Variants in TSG101 observed in about 807,000 individuals in gnomAD.
TSG101 encodes the protein tumor susceptibility gene 101 protein.
In TSG101, 19 loss-of-function variants were observed where a neutral mutation model predicts 48.5. That is an observed-to-expected ratio of 0.39 (90% CI 0.27 to 0.58). TSG101 has a LOEUF of 0.58. TSG101 is among the 20% of genes least tolerant of loss of function. TSG101 has a pLI of 0.55. For missense variants in TSG101, 365 were observed against 484.4 expected (o/e 0.75, Z 2.31); for synonymous variants, 174 against 169.4 (o/e 1.03, Z -0.21).
Position 18,520,161 on chromosome 11 carries a change from CTAAAT to C in TSG101, c.43-563_43-559del, listed in dbSNP as rs368097803. On this transcript the variant is annotated intron_variant, in intron 1 of 9. Transcript: ENST00000251968. ...ATTCATACAATGTGATCTTTCATGA[CTAAAT>C]TATTTCACTTAGCATGTTTTTGAGA... Among the ~76,000 whole-genome samples, 212 of 152,290 alleles carry C rather than the reference CTAAAT, an allele frequency of 1.4e-3. 1 individual carries two copies. Among genetic ancestry groups the C allele is most frequent in the African/African-American group, 4.7e-3 (194 of 41,560 alleles).
At chr11:18,507,677 A>G (rs1156512998) in intron 5 of TSG101, 1 of 152,228 alleles carries the variant, frequency 6.6e-6, no homozygotes, top group African/African-American at 2.4e-5. Flanking sequence ...AATCTGCTCT[A>G]GAGTGTTTAA....
At chr11:18,499,402 A>ATATATAT in intron 7 of TSG101, among the ~76,000 whole-genome samples, 4 of 5,456 alleles carry the variant, frequency 7.3e-4, no homozygotes, top group East Asian at 0.018. Flanking sequence ...ATATATATAT[A>ATATATAT]TTTTTTTTTT....
intron 7 of TSG101, among the ~76,000 whole-genome samples, chr11:18,501,508 A>C (rs1849886945): frequency 6.6e-6 from 1 of 152,230 alleles, no homozygotes; most frequent in Non-Finnish European, 1.5e-5. Flanking sequence ...TGTTTCGGTT[A>C]CTATAACCTT....
intron 1 of TSG101, among the ~76,000 whole-genome samples, chr11:18,522,140 C>T (rs1850288952): frequency 6.6e-6 from 1 of 152,182 alleles, no homozygotes; most frequent in Admixed American, 6.5e-5. Flanking sequence ...TCTATCTAAA[C>T]TCATTCCTTT....
At chr11:18,513,012 G>A (rs1214617672) in intron 4 of TSG101, among the ~76,000 whole-genome samples, 6 of 151,958 alleles carry the variant, frequency 3.9e-5, no homozygotes, top group Admixed American at 2.0e-4. Flanking sequence ...ACAGGTGTGA[G>A]CCACCCCACC....
intron 7 of TSG101, among the ~76,000 whole-genome samples, chr11:18,486,774 A>G (rs1849626533): frequency 6.6e-6 from 1 of 152,020 alleles, no homozygotes; most frequent in African/African-American, 2.4e-5. Context: ...CTGGGTATAT[A>G]CCCAAAGGAT....
chr11:18,502,422 C>A, intron 7 of TSG101, 64 bp downstream of exon 7: 2 of 1,353,672 alleles, frequency 1.5e-6, no homozygotes, highest in South Asian at 1.3e-5. Context: ...GTGAAATGTG[C>A]TTTTCACAAC....
chr11:18,525,712 A>G (rs753718195), intron 1 of TSG101: 129 of 984,448 alleles, frequency 1.3e-4, no homozygotes, highest in Non-Finnish European at 1.5e-4. Flanking sequence ...ACTAAGGATA[A>G]CAAGTTTATC....
chr11:18,491,883 C>G (rs1395268353), intron 7 of TSG101, among the ~76,000 whole-genome samples: 1 of 152,230 alleles, frequency 6.6e-6, no homozygotes, highest in Non-Finnish European at 1.5e-5. Flanking sequence ...ACTGAACATA[C>G]AGATTAAAAT....
intron 4 of TSG101, among the ~76,000 whole-genome samples, chr11:18,510,386 A>G (rs1053156899): frequency 1.3e-5 from 2 of 152,196 alleles, no homozygotes; most frequent in African/African-American, 2.4e-5. Context: ...ACACCACTGC[A>G]CTCCATCCTA....
intron 5 of TSG101, 143 bp downstream of exon 5, chr11:18,509,398 TG>T: frequency 9.1e-7 from 1 of 1,097,096 alleles, no homozygotes; most frequent in Non-Finnish European, 1.2e-6. Flanking sequence ...CATGCAGATG[TG>T]GGGCCTCAGA....
At chr11:18,490,455 GC>G in intron 7 of TSG101, 1 of 540,592 alleles carries the variant, frequency 1.8e-6, no homozygotes. Context: ...GAAATTAAGT[GC>G]CAGACCAAGT....
At chr11:18,484,153 G>A in intron 7 of TSG101, 81 bp from the exon 8 acceptor site, 2 of 1,408,552 alleles carry the variant, frequency 1.4e-6, no homozygotes, top group Non-Finnish European at 2.0e-6. Context: ...CAGAAAAGGG[G>A]GCAATATGAA....
chr11:18,512,264 G>A (rs566167038), intron 4 of TSG101, among the ~76,000 whole-genome samples: 1 of 152,218 alleles, frequency 6.6e-6, no homozygotes, highest in Non-Finnish European at 1.5e-5. Flanking sequence ...AAATTAGCCA[G>A]GTGTGGTGGT....
At position 18,495,855 on chromosome 11, in the gene TSG101, C is replaced by T. The variant is rs540594083; in HGVS notation, c.640+6631G>A. Among the ~76,000 whole-genome samples the T allele has an allele frequency of 8.0e-5, 12 of 150,784 alleles. No individual in the cohort carries two copies. The South Asian group carries it at 2.1e-3, about 26-fold the overall frequency. Reference sequence around the variant, plus strand: ...AGGAGAATGGCGTGAACCTGGAGGGCGGAGCTTGCAGTGAGCTGAGATTGC... The same window carrying T: ...AGGAGAATGGCGTGAACCTGGAGGGTGGAGCTTGCAGTGAGCTGAGATTGC... On this transcript the variant is annotated intron_variant, in intron 7 of 9. Coordinates refer to ENST00000251968, the MANE Select transcript of TSG101 (RefSeq NM_006292.4).
chr11:18,512,802 A>C (rs1300280374), intron 4 of TSG101, among the ~76,000 whole-genome samples: 1 of 144,516 alleles, frequency 6.9e-6, no homozygotes, highest in East Asian at 2.1e-4. Context: ...ATCTCGGCTC[A>C]CTGCAACCTC....
In TSG101 at chr11:18,521,359, CTTTTTTTTTTT is replaced by C. The variant is rs917563952; in HGVS notation, c.43-1767_43-1757del. Among the ~76,000 whole-genome samples the C allele has an allele frequency of 4.7e-3, 465 of 99,830 alleles. 3 individuals carry two copies. The highest frequency in any genetic ancestry group is 0.015 in the African/African-American group (425 of 28,608). 65.5% of individuals were successfully genotyped at this position (99,830 alleles called of 152,430 possible). On this transcript the variant is annotated intron_variant, in intron 1 of 9. Coordinates refer to ENST00000251968, the MANE Select transcript of TSG101 (RefSeq NM_006292.4). ...CAGCAATATTTGACCAAACTGATTC[CTTTTTTTTTTT>C]TTTTTTTTTTTTTTTTGAGATAGGG...
At chr11:18,521,559 G>A (rs1303859588) in intron 1 of TSG101, among the ~76,000 whole-genome samples, 1 of 150,568 alleles carries the variant, frequency 6.6e-6, no homozygotes, top group East Asian at 1.9e-4. Flanking sequence ...CATAGAGACA[G>A]GATCTCACTA....
Position 18,516,156 on chromosome 11 carries a change from C to T in TSG101, c.136G>A (p.Asp46Asn), listed in dbSNP as rs536369381. Residue 46 changes from aspartate to asparagine, a missense_variant, in exon 3 of 10, where the codon GAT (aspartate) becomes AAT (asparagine). Transcript: ENST00000251968. ...KPVLDSYVFN[D>N]GSSRELMNLT... Reference sequence around the variant, plus strand: ...TTCATTAGTTCCCTGGAACTGCCATCGTTAAAAACTGAAAGGAAAGAACAA... The same window carrying T: ...TTCATTAGTTCCCTGGAACTGCCATTGTTAAAAACTGAAAGGAAAGAACAA... The T allele has an allele frequency of 5.0e-6, 8 of 1,613,588 alleles. No individual in the cohort carries two copies. Among genetic ancestry groups the T allele is most frequent in the African/African-American group, 1.3e-5 (1 of 74,992 alleles).
Sources: allele counts gnomAD v4.1 joint callset (sites outside exome capture counted in the v4.1 genomes callset), GRCh38; gene constraint gnomAD v4.1.1; transcripts MANE v1.5; gene names NCBI Gene and HGNC (gene_info 2026-07-23, HGNC 2026-07-21).